The following UBE2E2 variants were observed in gnomAD, a reference collection of about 807,000 sequenced individuals.
UBE2E2 encodes the protein ubiquitin-conjugating enzyme E2 E2.
Under a neutral mutation model 24.7 loss-of-function variants are expected in UBE2E2, and 6 were observed. The ratio of observed to expected loss-of-function variants is 0.24; its 90% CI spans 0.13 to 0.48. UBE2E2 has a LOEUF of 0.48. Among genes scored for constraint, UBE2E2 ranks in the 20% least tolerant of loss-of-function variants. UBE2E2 has a pLI of 0.99. For synonymous variants in UBE2E2, 104 were observed against 83.6 expected (o/e 1.24, Z -1.33); for missense variants, 169 against 245.0 (o/e 0.69, Z 2.07).
chr3:23,249,039 C>T (rs1316280931), intron 3 of UBE2E2, among the ~76,000 whole-genome samples: 4 of 152,022 alleles, frequency 2.6e-5, no homozygotes, highest in African/African-American at 4.8e-5. Context: ...GAGAGGCTGA[C>T]GTGGGAGGAT....
intron 4 of UBE2E2, among the ~76,000 whole-genome samples, chr3:23,524,886 A>ACACACACG (rs1559411324): frequency 6.6e-6 from 1 of 151,938 alleles, no homozygotes; most frequent in East Asian, 1.9e-4. Flanking sequence ...ACACACACAC[A>ACACACACG]CACACACGTG....
chr3:23,540,867 C>G (rs1695382597), intron 5 of UBE2E2, among the ~76,000 whole-genome samples: 1 of 152,160 alleles, frequency 6.6e-6, no homozygotes, highest in South Asian at 2.1e-4. Flanking sequence ...AGAGCTGGGA[C>G]TATAGGCACA....
intron 3 of UBE2E2, among the ~76,000 whole-genome samples, chr3:23,478,092 C>G (rs1699177750): frequency 1.3e-5 from 2 of 152,226 alleles, no homozygotes; most frequent in Non-Finnish European, 2.9e-5. Context: ...TGAAAACAAA[C>G]TAATACACCT....
intron 3 of UBE2E2, among the ~76,000 whole-genome samples, chr3:23,454,110 G>C (rs1207497686): frequency 6.6e-6 from 1 of 152,128 alleles, no homozygotes; most frequent in Non-Finnish European, 1.5e-5. Flanking sequence ...GAGGAGACTT[G>C]TTTTACCTTT....
intron 3 of UBE2E2, among the ~76,000 whole-genome samples, chr3:23,475,147 C>T (rs186891624): frequency 1.5e-4 from 23 of 152,144 alleles, no homozygotes; most frequent in Admixed American, 7.8e-4. Context: ...CTTTCTCACC[C>T]TCCTCATCTG....
intron 4 of UBE2E2, among the ~76,000 whole-genome samples, chr3:23,512,459 G>A (rs1694622098): frequency 6.6e-6 from 1 of 151,858 alleles, no homozygotes. Context: ...AGCTCAACCA[G>A]TCCTCCTGAG....
Position 23,334,296 on chromosome 3 carries a change from T to G in UBE2E2, c.227+116984T>G, listed in dbSNP as rs552638987. Among the ~76,000 whole-genome samples the G allele has an allele frequency of 5.3e-4, 80 of 150,032 alleles. 1 individual carries two copies. The South Asian group carries it at 0.017, about 31-fold the overall frequency. On this transcript the variant is annotated intron_variant, in intron 3 of 5. Coordinates refer to ENST00000396703, the MANE Select transcript of UBE2E2 (RefSeq NM_152653.4). ...AAACTTACTAGTACTTTGGGGATGATTTATTGTATTTTTTTTTTGAGATTA... is the reference window on the plus strand; with the variant it reads ...AAACTTACTAGTACTTTGGGGATGAGTTATTGTATTTTTTTTTTGAGATTA...
intron 3 of UBE2E2, among the ~76,000 whole-genome samples, chr3:23,426,819 A>G (rs1002916752): frequency 2.6e-5 from 4 of 152,188 alleles, no homozygotes; most frequent in Non-Finnish European, 4.4e-5. Context: ...CACAGAAGGG[A>G]TAAGTACAGG....
chr3:23,559,481 T>TAC (rs1695868268), intron 5 of UBE2E2, among the ~76,000 whole-genome samples: 2 of 152,216 alleles, frequency 1.3e-5, no homozygotes, highest in South Asian at 4.1e-4. Flanking sequence ...AGATTTAAAT[T>TAC]ACTAAGCTGA....
chr3:23,264,385 G>A (rs1476388406), intron 3 of UBE2E2, among the ~76,000 whole-genome samples: 4 of 151,390 alleles, frequency 2.6e-5, no homozygotes, highest in African/African-American at 9.7e-5. Context: ...AAAAAAAAAG[G>A]TGGGGAGGAC....
At chr3:23,514,649 T>C (rs1694688593) in intron 4 of UBE2E2, among the ~76,000 whole-genome samples, 3 of 151,732 alleles carry the variant, frequency 2.0e-5, no homozygotes, top group Admixed American at 6.6e-5. Context: ...GCATGAGAAA[T>C]GACAAATGGA....
intron 3 of UBE2E2, among the ~76,000 whole-genome samples, chr3:23,461,591 A>G (rs1193361511): frequency 6.6e-6 from 1 of 152,144 alleles, no homozygotes; most frequent in African/African-American, 2.4e-5. Flanking sequence ...TCTATTTACC[A>G]TTAGTATGAT....
At position 23,360,688 on chromosome 3, in the gene UBE2E2, C is replaced by A. The variant is rs533739805; in HGVS notation, c.228-138920C>A. On this transcript the variant is annotated intron_variant, in intron 3 of 5. Transcript: ENST00000396703. ...TACAGCTATATTTTTGAAAGATTAC[C>A]TGTTTGGCATTTAACATCATTCCTC... Among the ~76,000 whole-genome samples the A allele has an allele frequency of 6.5e-4, 99 of 151,976 alleles. 1 individual carries two copies. The highest frequency in any genetic ancestry group is 2.3e-3 in the African/African-American group (97 of 41,428).
chr3:23,309,855 A>C (rs80144523), intron 3 of UBE2E2, among the ~76,000 whole-genome samples: 10,053 of 152,060 alleles, frequency 0.066, 353 homozygotes, highest in South Asian at 0.14. Context: ...TCCACAGGTT[A>C]CTCGACTGCC....
chr3:23,329,016 C>G (rs1694988963), intron 3 of UBE2E2, among the ~76,000 whole-genome samples: 1 of 152,174 alleles, frequency 6.6e-6, no homozygotes, highest in Non-Finnish European at 1.5e-5. Context: ...AAATTGAGTA[C>G]AATACTCAAT....
chr3:23,383,075 G>A (rs1696715438), intron 3 of UBE2E2, among the ~76,000 whole-genome samples: 1 of 152,164 alleles, frequency 6.6e-6, no homozygotes, highest in Non-Finnish European at 1.5e-5. Flanking sequence ...ATTGAATAAT[G>A]AGTTTAAAGG....
At chr3:23,569,783 A>G (rs1384805670) in intron 5 of UBE2E2, among the ~76,000 whole-genome samples, 1 of 152,218 alleles carries the variant, frequency 6.6e-6, no homozygotes, top group Non-Finnish European at 1.5e-5. Flanking sequence ...CAAAGTGTGC[A>G]TTGATTTAAT....
chr3:23,581,400 T>C (rs1696474821), intron 5 of UBE2E2, among the ~76,000 whole-genome samples: 1 of 152,198 alleles, frequency 6.6e-6, no homozygotes, highest in Non-Finnish European at 1.5e-5. Context: ...TTGGGAGCCA[T>C]GCTGAGTTTG....
At chr3:23,505,032 A>G (rs548747773) in intron 4 of UBE2E2, among the ~76,000 whole-genome samples, 1 of 149,750 alleles carries the variant, frequency 6.7e-6, no homozygotes, top group South Asian at 2.1e-4. Context: ...CAGCCTCCCA[A>G]GAGGCTGGGA....
Sources: allele counts gnomAD v4.1 joint callset (sites outside exome capture counted in the v4.1 genomes callset), GRCh38; gene constraint gnomAD v4.1.1; transcripts MANE v1.5; gene names NCBI Gene and HGNC (gene_info 2026-07-23, HGNC 2026-07-21).